PITRM1: variants seen among roughly 807,000 people sequenced by gnomAD.
The protein encoded by PITRM1 is presequence protease, mitochondrial.
Under a neutral mutation model 129.9 loss-of-function variants are expected in PITRM1, and 100 were observed. That is an observed-to-expected ratio of 0.77 (90% CI 0.65 to 0.91). The LOEUF is 0.91. Among genes scored for constraint, PITRM1 ranks in the 40% least tolerant of loss-of-function variants. The pLI, the probability that PITRM1 is intolerant of heterozygous loss-of-function variation, is 0.00. For synonymous variants in PITRM1, 591 were observed against 508.8 expected, an observed-to-expected ratio of 1.16 and a Z score of -2.17; for missense variants, 1,471 against 1,318.3, an observed-to-expected ratio of 1.12 and a Z score of -1.79.
rs950601823 is a variant in PITRM1 at position 3,138,348 on chromosome 10, A to G, written c.2918-11T>C. The G allele has an allele frequency of 1.9e-6, 3 of 1,595,974 alleles. No individual in the cohort carries two copies. In the African/African-American group the frequency reaches 4.0e-5, roughly 21 times the overall value. ...AGAAGTGGTCCATTCCTAGAAGACA[A>G]TCCACAGGCACGATGGAGCCGCTGC... On this transcript the variant is annotated splice_polypyrimidine_tract_variant and intron_variant, in intron 25 of 26. Transcript: ENST00000224949.
chr10:3,143,038 GT>G, intron 23 of PITRM1: 1 of 234,920 alleles, frequency 4.3e-6, no homozygotes. Context: ...AACCTACCAT[GT>G]TTATCAGAAA....
Position 3,140,712 on chromosome 10 carries a change from C to T in PITRM1, c.2746G>A (p.Gly916Arg). ...CTGTAAGAGTAAAGGGTGAAAATCC[C>T]ATTGTGGCTGAGTTTTGCGCCTCCA... ...YGGGAKLSHNGIFTLYSYRDP... is the reference protein window; with the variant it reads ...YGGGAKLSHNRIFTLYSYRDP... The change falls in exon 24 of 27, where the codon GGG (glycine) becomes AGG (arginine). Residue 916 changes from glycine (G) to arginine (R), a missense_variant. Transcript: ENST00000224949. The T allele has an allele frequency of 6.3e-7, 1 of 1,599,816 alleles. No individual in the cohort carries two copies. The highest frequency in any genetic ancestry group is 8.5e-7 in the Non-Finnish European group (1 of 1,172,740).
At chr10:3,158,622 GCTGT>G (rs1266754829) in intron 10 of PITRM1, among the ~76,000 whole-genome samples, 3 of 152,190 alleles carry the variant, frequency 2.0e-5, no homozygotes, top group Non-Finnish European at 4.4e-5. Flanking sequence ...CCCTGGAAAA[GCTGT>G]CTTTGTGCTG....
intron 9 of PITRM1, among the ~76,000 whole-genome samples, 157 bp downstream of exon 9, chr10:3,159,691 T>A (rs1842279520): frequency 6.6e-6 from 1 of 152,222 alleles, no homozygotes; most frequent in Non-Finnish European, 1.5e-5. Context: ...TATTAAAAAC[T>A]TCGACATTTT....
At position 3,138,453 on chromosome 10, in the gene PITRM1, T is replaced by G. The variant is rs190715524; in HGVS notation, c.2918-116A>C. The stretch of plus-strand genomic sequence containing the variant: ...CTCACTGTCATTTCACGTGCATGTT[T>G]CAACCACAGGGATGTGTCTAACAAC... On this transcript the variant is annotated intron_variant, in intron 25 of 26. Coordinates refer to ENST00000224949, the MANE Select transcript of PITRM1 (RefSeq NM_014889.4). The G allele has an allele frequency of 4.3e-4, 318 of 731,708 alleles. 5 individuals are homozygous for G. In the East Asian group the frequency reaches 8.4e-3, roughly 19 times the overall value. The allele number at this position is 731,708 out of a possible 1,614,324, so 45.3% of individuals were successfully genotyped here. A position where few individuals can be genotyped will look rare whatever the true frequency, so the allele number is the denominator to read the frequency against.
chr10:3,164,073 A>G (rs1842675385), intron 6 of PITRM1, 188 bp from the exon 7 acceptor site: 3 of 384,574 alleles, frequency 7.8e-6, no homozygotes, highest in Non-Finnish European at 1.4e-5. Context: ...ACGGTATTCA[A>G]TCATTCATCA....
At chr10:3,144,891 G>T (rs1840691104) in intron 21 of PITRM1, 2 of 152,648 alleles carry the variant, frequency 1.3e-5, no homozygotes. Flanking sequence ...TCAAGGAAAA[G>T]GTAGCCTTGT....
chr10:3,156,570 G>A (rs990879165), intron 13 of PITRM1, among the ~76,000 whole-genome samples: 7 of 152,256 alleles, frequency 4.6e-5, no homozygotes, highest in South Asian at 4.2e-4. Flanking sequence ...AAACAAACGC[G>A]CAAGCATCAA....
rs760360430 is a variant in PITRM1, at chr10:3,165,412, C to T, written c.533+1G>A. ...CAACTAGTTAATCATTCATGACATA[C>T]CAGAAATCCAGCTCGCGTAAACATG... On this transcript the variant is annotated splice_donor_variant, in intron 5 of 26. Coordinates refer to ENST00000224949, the MANE Select transcript of PITRM1 (RefSeq NM_014889.4). LOFTEE classifies it high-confidence loss of function. 4 of 1,610,568 alleles carry T rather than the reference C, an allele frequency of 2.5e-6. No individual in the cohort carries two copies. The highest frequency in any genetic ancestry group is 3.4e-6 in the Non-Finnish European group (4 of 1,177,958).
intron 1 of PITRM1, among the ~76,000 whole-genome samples, chr10:3,171,894 A>G (rs2132538682): frequency 6.6e-6 from 1 of 152,352 alleles, no homozygotes; most frequent in Non-Finnish European, 1.5e-5. Context: ...ATTGTATTAT[A>G]TGTCGTATGG....
Position 3,155,629 on chromosome 10 carries a change from G to T in PITRM1, c.1583C>A (p.Ala528Asp). The T allele has an allele frequency of 6.2e-7, 1 of 1,613,898 alleles. No homozygotes were observed. Among genetic ancestry groups the T allele is most frequent in the Non-Finnish European group, 8.5e-7 (1 of 1,179,870 alleles). The change falls in exon 14 of 27, where the codon GCT becomes GAT. Residue 528 changes from alanine (A) to aspartate (D), a missense_variant. Physicochemically the swap from Ala to Asp is moderately radical, Grantham distance 126. Transcript: ENST00000224949. ...EATKLKQKVE[A>D]LSPGDRQQIY... ...CTGCTGCCTGTCTCCGGGGGACAGA[G>T]CCTCGACCTTCTGCTTGAGCTTCGT...
intron 24 of PITRM1, among the ~76,000 whole-genome samples, chr10:3,139,916 T>A (rs772290736): frequency 6.6e-6 from 1 of 152,218 alleles, no homozygotes; most frequent in Non-Finnish European, 1.5e-5. Context: ...AACGGTGTTA[T>A]GTTTATGAAA....
At chr10:3,143,135 G>A in intron 23 of PITRM1, 1 of 493,954 alleles carries the variant, frequency 2.0e-6, no homozygotes, top group Admixed American at 3.5e-5. Flanking sequence ...TAAGGTCATA[G>A]GTATCTGTAT....
chr10:3,168,255 C>T (rs1030605417), intron 2 of PITRM1, among the ~76,000 whole-genome samples: 12 of 152,152 alleles, frequency 7.9e-5, no homozygotes, highest in South Asian at 2.1e-4. Flanking sequence ...TCTACCGCCG[C>T]GAAATTACTT....
chr10:3,171,147 TAAAAAAAAAAAAAAAAAAAA>T lies in PITRM1; in HGVS notation c.57-961_57-942del, dbSNP rs1169315061. Among the ~76,000 whole-genome samples the T allele has an allele frequency of 2.6e-4, 13 of 49,204 alleles. No individual in the cohort carries two copies. The East Asian group carries it at 7.4e-3, about 28-fold the overall frequency. The allele number at this position is 49,204 out of a possible 152,430, so 32.3% of individuals were successfully genotyped here. ...ATAAAGTGCGGACTAATCGTTCAAT[TAAAAAAAAAAAAAAAAAAAA>T]AAAAAAAAAAAAAAAAACCTTACCA... On this transcript the variant is annotated intron_variant, in intron 1 of 26. Coordinates refer to ENST00000224949, the MANE Select transcript of PITRM1 (RefSeq NM_014889.4).
chr10:3,139,969 G>A (rs547839938), intron 24 of PITRM1, among the ~76,000 whole-genome samples: 20 of 152,342 alleles, frequency 1.3e-4, no homozygotes, highest in African/African-American at 4.8e-4. Context: ...CAACTGAAAT[G>A]AGCTAAGAAC....
chr10:3,145,584 A>C lies in PITRM1; in HGVS notation c.2457+12T>G. On this transcript the variant is annotated intron_variant, in intron 21 of 26. Coordinates refer to ENST00000224949, the MANE Select transcript of PITRM1 (RefSeq NM_014889.4). Reference sequence around the variant, plus strand: ...CAGGCGCTCACCGGGCGCCAGCACCACCAGTGCATACCTCGACCGTGTGTG... The same window carrying C: ...CAGGCGCTCACCGGGCGCCAGCACCCCCAGTGCATACCTCGACCGTGTGTG... The C allele has an allele frequency of 1.3e-6, 2 of 1,548,788 alleles. No homozygotes were observed. Among genetic ancestry groups the C allele is most frequent in the Non-Finnish European group, 1.7e-6 (2 of 1,146,434 alleles).
At chr10:3,152,808 G>A (rs1249835952) in intron 14 of PITRM1, among the ~76,000 whole-genome samples, 1 of 152,238 alleles carries the variant, frequency 6.6e-6, no homozygotes, top group Non-Finnish European at 1.5e-5. Context: ...ACCTGCGCTA[G>A]AGCACGCCAC....
At chr10:3,160,935 A>G (rs1842395889) in intron 7 of PITRM1, among the ~76,000 whole-genome samples, 2 of 152,024 alleles carry the variant, frequency 1.3e-5, no homozygotes, top group African/African-American at 4.8e-5. Context: ...TAATTTTTGT[A>G]TTTTTAGTAG....
Sources: allele counts gnomAD v4.1 joint callset (sites outside exome capture counted in the v4.1 genomes callset), GRCh38; gene constraint gnomAD v4.1.1; transcripts MANE v1.5; gene names NCBI Gene and HGNC (gene_info 2026-07-23, HGNC 2026-07-21).